The following GPC6 variants were observed in gnomAD, a reference collection of about 807,000 sequenced individuals.
GPC6 encodes glypican-6.
A neutral mutation model predicts 55.2 loss-of-function variants in GPC6; 14 were observed. The ratio of observed to expected loss-of-function variants is 0.25; its 90% confidence interval spans 0.17 to 0.40. GPC6 has a LOEUF of 0.40. Ranked by LOEUF, GPC6 falls within the 10% of genes least tolerant of loss-of-function variation. The pLI is 1.00. For missense variants in GPC6, 641 were observed against 708.5 expected (o/e 0.90, Z 1.08); for synonymous variants, 278 against 259.6 (o/e 1.07, Z -0.68).
At chr13:93,306,178 C>T (rs1239603268) in intron 1 of GPC6, among the ~76,000 whole-genome samples, 1 of 151,950 alleles carries the variant, frequency 6.6e-6, no homozygotes, top group Admixed American at 6.6e-5. Flanking sequence ...AAAGTGGAAG[C>T]AGAATATCAA....
At chr13:94,199,083 G>C (rs1324021824) in intron 4 of GPC6, among the ~76,000 whole-genome samples, 1 of 152,178 alleles carries the variant, frequency 6.6e-6, no homozygotes, top group Non-Finnish European at 1.5e-5. Flanking sequence ...TTTGCCACAT[G>C]CTTGTTGAAA....
chr13:93,316,619 C>T (rs887388421), intron 1 of GPC6, among the ~76,000 whole-genome samples: 1 of 152,070 alleles, frequency 6.6e-6, no homozygotes, highest in African/African-American at 2.4e-5. Flanking sequence ...ATTTCTTTAG[C>T]AATCACTAAA....
intron 1 of GPC6, among the ~76,000 whole-genome samples, chr13:93,475,081 G>A (rs1212125217): frequency 6.6e-6 from 1 of 152,124 alleles, no homozygotes; most frequent in Non-Finnish European, 1.5e-5. Context: ...TTTCAAGGCT[G>A]CACTGAGCTA....
At chr13:94,167,594 T>A (rs544777016) in intron 4 of GPC6, among the ~76,000 whole-genome samples, 44 of 150,864 alleles carry the variant, frequency 2.9e-4, no homozygotes, top group Middle Eastern at 3.4e-3. Context: ...GACAAAAGAG[T>A]GTATGGAAGG....
chr13:93,931,454 A>C lies in GPC6; in HGVS notation c.712-96275A>C, dbSNP rs545465424. Among the ~76,000 whole-genome samples, 1,276 of 142,418 alleles carry C rather than the reference A, an allele frequency of 9.0e-3. 16 individuals carry two copies. Among genetic ancestry groups the C allele is most frequent in the African/African-American group, 0.031 (1,218 of 38,758 alleles). The allele number at this position is 142,418 out of a possible 152,430, so 93.4% of individuals were successfully genotyped here. A position where few individuals can be genotyped will look rare whatever the true frequency, so the allele number is the denominator to read the frequency against. The stretch of plus-strand genomic sequence containing the variant: ...ACACAGGCAAAAAAAAAAAAAAAAA[A>C]ATTGTAAAAGATCAGAAGGTGGGCC... On this transcript the variant is annotated intron_variant, in intron 3 of 8. Coordinates refer to ENST00000377047, the MANE Select transcript of GPC6 (RefSeq NM_005708.5).
chr13:94,192,350 A>G (rs529546209), intron 4 of GPC6, among the ~76,000 whole-genome samples: 3 of 152,352 alleles, frequency 2.0e-5, no homozygotes, highest in Non-Finnish European at 4.4e-5. Context: ...ATAAAGCCTC[A>G]GGTCTTCCTA....
intron 2 of GPC6, among the ~76,000 whole-genome samples, chr13:93,804,727 C>A (rs529623512): frequency 6.6e-6 from 1 of 152,270 alleles, no homozygotes; most frequent in East Asian, 1.9e-4. Flanking sequence ...AAATCAACCA[C>A]CAGGAACCAT....
At chr13:94,161,618 A>T (rs1489828188) in intron 4 of GPC6, among the ~76,000 whole-genome samples, 3 of 152,178 alleles carry the variant, frequency 2.0e-5, no homozygotes, top group African/African-American at 7.2e-5. Context: ...ATGAAGTCTT[A>T]TGCAGCAGAC....
At chr13:93,816,998 C>A (rs1026801482) in intron 2 of GPC6, among the ~76,000 whole-genome samples, 2 of 152,152 alleles carry the variant, frequency 1.3e-5, no homozygotes, top group Non-Finnish European at 2.9e-5. Context: ...TGTGCCTACT[C>A]ACAATTGTGT....
intron 8 of GPC6, among the ~76,000 whole-genome samples, chr13:94,401,181 T>A (rs1278602763): frequency 6.6e-6 from 1 of 152,204 alleles, no homozygotes; most frequent in Non-Finnish European, 1.5e-5. Context: ...AAGTATTTGT[T>A]GAGCACTTGC....
chr13:93,493,574 T>G (rs7399687), intron 1 of GPC6, among the ~76,000 whole-genome samples: 84,549 of 109,992 alleles, frequency 0.77, 33,779 homozygotes, highest in East Asian at 0.99. Context: ...GCTTTTGAAT[T>G]TGTTTGCTCT....
At chr13:93,846,725 A>T (rs1480420640) in intron 3 of GPC6, among the ~76,000 whole-genome samples, 5 of 152,110 alleles carry the variant, frequency 3.3e-5, no homozygotes, top group Admixed American at 3.3e-4. Context: ...GAGGCAGAAG[A>T]ATCACTTGAA....
At chr13:93,802,426 G>C (rs1886405429) in intron 2 of GPC6, among the ~76,000 whole-genome samples, 1 of 150,694 alleles carries the variant, frequency 6.6e-6, no homozygotes, top group Non-Finnish European at 1.5e-5. Flanking sequence ...TTAAGAGACA[G>C]AGTTTCAGTG....
chr13:93,771,453 C>T (rs143894666), intron 2 of GPC6, among the ~76,000 whole-genome samples: 81 of 152,154 alleles, frequency 5.3e-4, no homozygotes, highest in African/African-American at 1.7e-3. Context: ...TCACACGTGT[C>T]GGGGAGTGCA....
intron 3 of GPC6, among the ~76,000 whole-genome samples, chr13:94,026,860 A>G (rs1279888973): frequency 6.6e-6 from 1 of 152,138 alleles, no homozygotes; most frequent in East Asian, 1.9e-4. Context: ...ATCTGGTGAG[A>G]ACTCCCTCAC....
At chr13:94,382,972 GA>G (rs1170059776) in intron 7 of GPC6, among the ~76,000 whole-genome samples, 3 of 151,648 alleles carry the variant, frequency 2.0e-5, no homozygotes, top group African/African-American at 4.8e-5. Context: ...ACTCTTGTTG[GA>G]AAAAAAATTG....
In GPC6 at chr13:93,778,983, A is replaced by T. The variant is rs143773983; in HGVS notation, c.320-51171A>T. Among the ~76,000 whole-genome samples, 312 of 152,286 alleles carry T rather than the reference A, an allele frequency of 2.0e-3. 3 individuals are homozygous for T. The highest frequency in any genetic ancestry group is 7.3e-3 in the African/African-American group (302 of 41,572). ...AGATCATTGAGATAAACATTTCTGG[A>T]TTATTTATTTGTTTGTTTAGTTTTG... On this transcript the variant is annotated intron_variant, in intron 2 of 8. Coordinates refer to ENST00000377047, the MANE Select transcript of GPC6 (RefSeq NM_005708.5).
intron 4 of GPC6, among the ~76,000 whole-genome samples, chr13:94,193,738 T>C (rs941895738): frequency 1.3e-5 from 2 of 152,202 alleles, no homozygotes; most frequent in African/African-American, 4.8e-5. Flanking sequence ...CATATGATCA[T>C]TGTCGTCATG....
chr13:93,317,734 C>T (rs949809888), intron 1 of GPC6, among the ~76,000 whole-genome samples: 5 of 152,042 alleles, frequency 3.3e-5, no homozygotes, highest in African/African-American at 1.2e-4. Flanking sequence ...GTTAAAACTA[C>T]CAGTGAAGAG....
Sources: gnomAD v4.1 joint callset for allele counts (sites outside exome capture counted in the v4.1 genomes callset) on GRCh38, gnomAD v4.1.1 for gene constraint, MANE v1.5 for transcripts, NCBI Gene and HGNC (gene_info 2026-07-23, HGNC 2026-07-21) for gene names.